The following FAT3 variants were observed in gnomAD, a reference collection of about 807,000 sequenced individuals.
FAT3 encodes the protein FAT atypical cadherin 3, also known as protocadherin Fat 3.
Under a neutral mutation model 310.2 loss-of-function variants are expected in FAT3, and 95 were observed. The ratio of observed to expected loss-of-function variants is 0.31; its 90% CI spans 0.26 to 0.36. The LOEUF (loss-of-function observed/expected upper bound fraction) is 0.36. Among genes scored for constraint, FAT3 ranks in the 10% least tolerant of loss-of-function variants. FAT3 has a pLI of 1.00. For missense variants in FAT3, 5,408 were observed against 5,715.6 expected, an observed-to-expected ratio of 0.95 and a Z score of 1.74; for synonymous variants, 2,314 against 2,192.9, an observed-to-expected ratio of 1.06 and a Z score of -1.54.
intron 3 of FAT3, among the ~76,000 whole-genome samples, chr11:92,567,119 A>C (rs1435559451): frequency 2.0e-5 from 3 of 151,998 alleles, no homozygotes; most frequent in Non-Finnish European, 4.4e-5. Flanking sequence ...AATAGGAGAA[A>C]ATTTTCACAA....
At chr11:92,840,503 T>C in intron 17 of FAT3, 59 bp from the exon 18 acceptor site, 3 of 1,410,390 alleles carry the variant, frequency 2.1e-6, no homozygotes, top group Non-Finnish European at 2.8e-6. Flanking sequence ...TTTGTTTTAA[T>C]GAATGTGAAG....
intron 1 of FAT3, among the ~76,000 whole-genome samples, chr11:92,259,636 G>A (rs1159169817): frequency 6.6e-6 from 1 of 152,118 alleles, no homozygotes; most frequent in Non-Finnish European, 1.5e-5. Context: ...GTATGGATGT[G>A]TTTGTGCTCA....
At chr11:92,404,940 G>T (rs1161890632) in intron 2 of FAT3, among the ~76,000 whole-genome samples, 2 of 151,968 alleles carry the variant, frequency 1.3e-5, no homozygotes, top group Admixed American at 1.3e-4. Flanking sequence ...TATACCATTG[G>T]CTTCCCTCGT....
intron 2 of FAT3, among the ~76,000 whole-genome samples, chr11:92,521,531 AT>A (rs772274258): frequency 1.3e-5 from 2 of 151,222 alleles, no homozygotes; most frequent in Non-Finnish European, 2.9e-5. Context: ...CCACACACGC[AT>A]TTTGCCAAAC....
chr11:92,226,687 G>T (rs1453450367), intron 1 of FAT3, among the ~76,000 whole-genome samples: 1 of 151,924 alleles, frequency 6.6e-6, no homozygotes, highest in Admixed American at 6.5e-5. Flanking sequence ...AGGGAGTGGC[G>T]CCTGCGGCCC....
chr11:92,709,307 A>G (rs903670628), intron 4 of FAT3, among the ~76,000 whole-genome samples: 1 of 152,216 alleles, frequency 6.6e-6, no homozygotes, highest in African/African-American at 2.4e-5. Flanking sequence ...TAGAAATACG[A>G]AACTGGATGT....
intron 13 of FAT3, among the ~76,000 whole-genome samples, chr11:92,823,898 C>A (rs1948034584): frequency 6.6e-6 from 1 of 152,126 alleles, no homozygotes; most frequent in South Asian, 2.1e-4. Context: ...CTCTTCATGG[C>A]AACTTCCTGT....
At chr11:92,437,983 C>A (rs1399072156) in intron 2 of FAT3, among the ~76,000 whole-genome samples, 1 of 152,060 alleles carries the variant, frequency 6.6e-6, no homozygotes, top group African/African-American at 2.4e-5. Flanking sequence ...GAGAGAAAGG[C>A]CCTTGTTTTT....
At chr11:92,672,905 G>A (rs978768028) in intron 3 of FAT3, among the ~76,000 whole-genome samples, 3 of 152,176 alleles carry the variant, frequency 2.0e-5, no homozygotes, top group Admixed American at 6.5e-5. Flanking sequence ...TTTGGATTCC[G>A]AAGTAAAGGG....
At chr11:92,675,290 G>C (rs192146452) in intron 3 of FAT3, among the ~76,000 whole-genome samples, 7 of 152,292 alleles carry the variant, frequency 4.6e-5, no homozygotes, top group Admixed American at 3.3e-4. Flanking sequence ...TAAATGTATA[G>C]CTTGGTCATT....
intron 4 of FAT3, among the ~76,000 whole-genome samples, chr11:92,737,125 C>T (rs547752678): frequency 7.9e-5 from 12 of 152,202 alleles, no homozygotes; most frequent in Admixed American, 2.6e-4. Context: ...ACAGTAATAT[C>T]TCACAGAATC....
At chr11:92,426,737 A>C (rs191807732) in intron 2 of FAT3, among the ~76,000 whole-genome samples, 124 of 152,056 alleles carry the variant, frequency 8.2e-4, no homozygotes, top group African/African-American at 2.9e-3. Flanking sequence ...TGGTCTATAT[A>C]TCTGTTTTGG....
intron 3 of FAT3, among the ~76,000 whole-genome samples, chr11:92,545,642 T>C (rs1954592756): frequency 6.6e-6 from 1 of 152,196 alleles, no homozygotes; most frequent in Non-Finnish European, 1.5e-5. Flanking sequence ...CACTTGCTCT[T>C]TAAACATGAT....
At chr11:92,664,517 T>C (rs567340397) in intron 3 of FAT3, among the ~76,000 whole-genome samples, 38 of 152,326 alleles carry the variant, frequency 2.5e-4, no homozygotes, top group African/African-American at 8.7e-4. Flanking sequence ...TAAGTTTGCC[T>C]TTTGTTATTC....
intron 3 of FAT3, among the ~76,000 whole-genome samples, chr11:92,578,973 G>A (rs2135526187): frequency 6.6e-6 from 1 of 152,242 alleles, no homozygotes; most frequent in African/African-American, 2.4e-5. Context: ...TGTTATCTTG[G>A]TGACTGGAAT....
intron 1 of FAT3, among the ~76,000 whole-genome samples, chr11:92,312,517 A>T (rs971822361): frequency 6.6e-6 from 1 of 152,198 alleles, no homozygotes; most frequent in Admixed American, 6.5e-5. Context: ...TGCACCACAC[A>T]AAACAAATAG....
At chr11:92,725,213 C>T (rs890548001) in intron 4 of FAT3, among the ~76,000 whole-genome samples, 8 of 152,264 alleles carry the variant, frequency 5.3e-5, no homozygotes, top group African/African-American at 1.9e-4. Context: ...TATCCCATTG[C>T]CAGTTGTTCC....
At chr11:92,853,011 T>C (rs1948872582) in intron 19 of FAT3, among the ~76,000 whole-genome samples, 1 of 152,214 alleles carries the variant, frequency 6.6e-6, no homozygotes, top group Non-Finnish European at 1.5e-5. Flanking sequence ...TGACACCTTT[T>C]GCCTGAGTAT....
chr11:92,590,475 A>G (rs1481150631), intron 3 of FAT3, among the ~76,000 whole-genome samples: 1 of 152,116 alleles, frequency 6.6e-6, no homozygotes, highest in Non-Finnish European at 1.5e-5. Flanking sequence ...GGGTGGACCA[A>G]AAAGCATCTG....
Sources: allele counts gnomAD v4.1 joint callset (sites outside exome capture counted in the v4.1 genomes callset), GRCh38; gene constraint gnomAD v4.1.1; transcripts MANE v1.5; gene names NCBI Gene and HGNC (gene_info 2026-07-23, HGNC 2026-07-21).